PIEZO2: variants seen among roughly 807,000 people sequenced by gnomAD.
PIEZO2 encodes piezo type mechanosensitive ion channel component 2, also known as piezo-type mechanosensitive ion channel component 2.
A neutral mutation model predicts 337.3 loss-of-function variants in PIEZO2; 172 were observed. That is an observed-to-expected ratio of 0.51 (90% confidence interval 0.45 to 0.58). The LOEUF (loss-of-function observed/expected upper bound fraction) is 0.58, where lower values mean the gene tolerates loss of function less well. Among genes scored for constraint, PIEZO2 ranks in the 20% least tolerant of loss-of-function variants. The pLI is 0.00. For missense variants in PIEZO2, 3,028 were observed against 3,391.3 expected, an observed-to-expected ratio of 0.89 and a Z score of 2.66; for synonymous variants, 1,251 against 1,228.5, an observed-to-expected ratio of 1.02 and a Z score of -0.38.
chr18:10,692,671 T>C (rs1010181697), intron 47 of PIEZO2, among the ~76,000 whole-genome samples: 1 of 152,232 alleles, frequency 6.6e-6, no homozygotes, highest in Non-Finnish European at 1.5e-5. Flanking sequence ...ATCAGCTGAA[T>C]TGGGACTGTG....
intron 9 of PIEZO2, among the ~76,000 whole-genome samples, chr18:10,803,505 G>C (rs992191685): frequency 6.6e-6 from 1 of 152,044 alleles, no homozygotes; most frequent in East Asian, 1.9e-4. Context: ...CCAAATACCC[G>C]ACAGAGTAAA....
At chr18:11,087,597 A>C (rs2038952627) in intron 1 of PIEZO2, among the ~76,000 whole-genome samples, 2 of 152,332 alleles carry the variant, frequency 1.3e-5, no homozygotes, top group South Asian at 4.1e-4. Context: ...GAACATTGAT[A>C]ATTTTATTTC....
At position 10,809,260 on chromosome 18, in the gene PIEZO2, CTTTTTTTTTTTT is replaced by C. The variant is rs869210659; in HGVS notation, c.918-1998_918-1987del. 1.1e-4 allele frequency among the ~76,000 whole-genome samples: 7 copies of C among 65,834 alleles called. No individual in the cohort carries two copies. In the East Asian group the frequency reaches 1.9e-3, roughly 18 times the overall value. The allele number at this position is 65,834 out of a possible 152,430, so 43.2% of individuals were successfully genotyped here. On this transcript the variant is annotated intron_variant, in intron 7 of 55. Transcript: ENST00000674853. ...ACCTAAGATTTCTCTCTCTCTCTCT[CTTTTTTTTTTTT>C]TTTTTTTTTTTTTTTTTGAGACAGA...
intron 30 of PIEZO2, among the ~76,000 whole-genome samples, chr18:10,747,933 G>C (rs2037490969): frequency 6.6e-6 from 1 of 152,120 alleles, no homozygotes; most frequent in Non-Finnish European, 1.5e-5. Context: ...CACAGAGCTA[G>C]TCATCGACAC....
chr18:10,726,930 G>T lies in PIEZO2; in HGVS notation c.5029+4477C>A. ...ATGTGGCGGAGCTGGGTCGCCTGCT[G>T]CCCGACTGATGTAGGTTGAGGGCTG... On this transcript the variant is annotated intron_variant, in intron 36 of 55. Transcript: ENST00000674853. This position sits in a 1 kb window ranked among gnomAD's most constrained non-coding sequence, Gnocchi z 5.9. The T allele has an allele frequency of 1.3e-6, 2 of 1,542,572 alleles. No individual in the cohort carries two copies. Among genetic ancestry groups the T allele is most frequent in the Non-Finnish European group, 8.8e-7 (1 of 1,137,304 alleles).
rs577687227 is a variant in PIEZO2 at position 10,728,989 on chromosome 18, G to C, written c.5029+2418C>G. On this transcript the variant is annotated intron_variant, in intron 36 of 55. Transcript: ENST00000674853. ...AAAAAAAAAAACAAAAACCAATAAAGGAAACCACCTGCATACGTGTGTGCA... is the reference window on the plus strand; with the variant it reads ...AAAAAAAAAAACAAAAACCAATAAACGAAACCACCTGCATACGTGTGTGCA... 2.0e-4 allele frequency among the ~76,000 whole-genome samples: 24 copies of C among 120,756 alleles called. No individual in the cohort carries two copies. In the South Asian group the frequency reaches 5.9e-3, roughly 30 times the overall value. The allele number at this position is 120,756 out of a possible 152,430, so 79.2% of individuals were successfully genotyped here. A position where few individuals can be genotyped will look rare whatever the true frequency, so the allele number is the denominator to read the frequency against.
rs1598958527 is a variant in PIEZO2 at position 11,099,656 on chromosome 18, A to G, written c.65-33434T>C. ...TAATTTTTGTATTTTTAGTAGAGAC[A>G]GTGTTTAACCATGTTGGCCAGGCTG... On this transcript the variant is annotated intron_variant, in intron 1 of 55. Coordinates refer to ENST00000674853, the MANE Select transcript of PIEZO2 (RefSeq NM_001378183.1). The surrounding 1 kb of genome is among the most constrained non-coding windows in gnomAD (Gnocchi z 5.4). Among the ~76,000 whole-genome samples the G allele has an allele frequency of 2.6e-5, 4 of 152,124 alleles. No homozygotes were observed. Among genetic ancestry groups the G allele is most frequent in the African/African-American group, 9.7e-5 (4 of 41,428 alleles).
chr18:10,705,836 T>A (rs2035564069), intron 40 of PIEZO2, 90 bp from the exon 41 acceptor site: 1 of 1,394,622 alleles, frequency 7.2e-7, no homozygotes. Flanking sequence ...TCATCAGAAC[T>A]CCTAAGGAAA....
intron 7 of PIEZO2, among the ~76,000 whole-genome samples, chr18:10,818,800 A>G (rs566088066): frequency 6.6e-6 from 1 of 152,216 alleles, no homozygotes; most frequent in African/African-American, 2.4e-5. Flanking sequence ...CTTCACGTCA[A>G]TGCATCACTT....
rs2034601581 is a variant in PIEZO2, at chr18:10,979,943, A to C, written c.161-283T>G. Among the ~76,000 whole-genome samples the C allele has an allele frequency of 6.6e-6, 1 of 152,202 alleles. No homozygotes were observed. Reference sequence around the variant, plus strand: ...CAGTGGAACTACAAAAAGGTCCTGGACCAAAACATTTTACAAGGAAGTGCT... The same window carrying C: ...CAGTGGAACTACAAAAAGGTCCTGGCCCAAAACATTTTACAAGGAAGTGCT... On this transcript the variant is annotated intron_variant, in intron 2 of 55. Coordinates refer to ENST00000674853, the MANE Select transcript of PIEZO2 (RefSeq NM_001378183.1). The surrounding 1 kb of genome is among the most constrained non-coding windows in gnomAD (Gnocchi z 4.0).
In PIEZO2 at chr18:10,767,721, G is replaced by C. The variant is rs2038423617; in HGVS notation, c.2946+2427C>G. On this transcript the variant is annotated intron_variant, in intron 21 of 55. Coordinates refer to ENST00000674853, the MANE Select transcript of PIEZO2 (RefSeq NM_001378183.1). The surrounding 1 kb of genome is among the most constrained non-coding windows in gnomAD (Gnocchi z 4.2). ...GTGAGGGTGGCCCCTGGTCCTGATG[G>C]GGAGGCACAGAGCACCCAGAGCTGC... is the stretch of plus-strand genomic sequence containing the variant. Among the ~76,000 whole-genome samples the C allele has an allele frequency of 6.6e-6, 1 of 152,134 alleles. No homozygotes were observed. Among genetic ancestry groups the C allele is most frequent in the African/African-American group, 2.4e-5 (1 of 41,434 alleles).
intron 3 of PIEZO2, among the ~76,000 whole-genome samples, chr18:10,964,030 G>C (rs1350629859): frequency 6.6e-6 from 1 of 152,110 alleles, no homozygotes; most frequent in Non-Finnish European, 1.5e-5. Context: ...CTCAAAGAAG[G>C]CTGCCTTGTG....
At chr18:11,008,261 A>T (rs143057755) in intron 2 of PIEZO2, among the ~76,000 whole-genome samples, 1 of 152,334 alleles carries the variant, frequency 6.6e-6, no homozygotes, top group African/African-American at 2.4e-5. Flanking sequence ...TTCCAGCCAC[A>T]GCAGCAGCCT....
rs531359733 is a variant in PIEZO2 at position 10,987,324 on chromosome 18, G to C, written c.161-7664C>G. Among the ~76,000 whole-genome samples, 32 of 152,236 alleles carry C rather than the reference G, an allele frequency of 2.1e-4. No individual in the cohort carries two copies. In the South Asian group the frequency reaches 5.8e-3, roughly 28 times the overall value. On this transcript the variant is annotated intron_variant, in intron 2 of 55. Coordinates refer to ENST00000674853, the MANE Select transcript of PIEZO2 (RefSeq NM_001378183.1). Reference sequence around the variant, plus strand: ...TTTCAAATTATACTACAAAGCTATAGTAATTAAAACAGTATGATACTTACA... The same window carrying C: ...TTTCAAATTATACTACAAAGCTATACTAATTAAAACAGTATGATACTTACA...
Position 10,681,687 on chromosome 18 carries a change from A to G in PIEZO2, c.7753T>C (p.Phe2585Leu). ...GTGTCCCTAGAAAAAGCTTGTATAA[A>G]TTTGTTAAAGCTCTGCTGGTCCATA... Reference protein sequence around the residue: ...KVMDQQSFNKFIQAFSRDTGA... With the variant: ...KVMDQQSFNKLIQAFSRDTGA... The change falls in exon 51 of 56, where the codon TTT becomes CTT. Residue 2585 changes from phenylalanine (F) to leucine (L), a missense_variant. By Grantham distance (22) the Phe-to-Leu change is conservative. Transcript: ENST00000674853. 6.2e-7 allele frequency: 1 copy of G among 1,607,986 alleles called. No homozygotes were observed. Among genetic ancestry groups the G allele is most frequent in the South Asian group, 1.1e-5 (1 of 90,892 alleles).
intron 4 of PIEZO2, among the ~76,000 whole-genome samples, chr18:10,904,218 A>G (rs1598658993): frequency 6.6e-6 from 1 of 152,150 alleles, no homozygotes; most frequent in East Asian, 1.9e-4. Context: ...CATCCCTAGC[A>G]CCCAGCATTG....
chr18:10,696,271 T>C lies in PIEZO2; in HGVS notation c.6993A>G (p.Ala2331=). The C allele has an allele frequency of 1.2e-6, 2 of 1,614,222 alleles. No homozygotes were observed. Among genetic ancestry groups the C allele is most frequent in the Non-Finnish European group, 1.7e-6 (2 of 1,180,030 alleles). The change falls in exon 47 of 56, where the codon GCA becomes GCG. Residue 2331 remains alanine, a synonymous_variant. Transcript: ENST00000674853. ...FWAFGKHSAA[A]DITSSLSEDQ... Reference sequence around the variant, plus strand: ...CCTCTGACAGTGAAGAGGTGATGTCTGCAGCTGCTGAGTGTTTCTGGGGAA... The same window carrying C: ...CCTCTGACAGTGAAGAGGTGATGTCCGCAGCTGCTGAGTGTTTCTGGGGAA...
chr18:10,935,756 G>T (rs867062895), intron 3 of PIEZO2, among the ~76,000 whole-genome samples: 1 of 152,126 alleles, frequency 6.6e-6, no homozygotes, highest in Non-Finnish European at 1.5e-5. Context: ...ATGCCACATT[G>T]TTCACTCCAC....
chr18:11,135,808 G>A (rs944520069), intron 1 of PIEZO2, among the ~76,000 whole-genome samples: 1 of 152,130 alleles, frequency 6.6e-6, no homozygotes, highest in Non-Finnish European at 1.5e-5. Context: ...GGCCTGCAAA[G>A]GTATTTTAAA....
Sources: allele counts gnomAD v4.1 joint callset (sites outside exome capture counted in the v4.1 genomes callset), GRCh38; gene constraint gnomAD v4.1.1; non-coding constraint Gnocchi (gnomAD v3.1); transcripts MANE v1.5; gene names NCBI Gene and HGNC (gene_info 2026-07-23, HGNC 2026-07-21).